Variants in SERP2 observed in about 807,000 individuals in gnomAD.
SERP2 encodes stress-associated endoplasmic reticulum protein 2.
Under a neutral mutation model 9.1 loss-of-function variants are expected in SERP2, and 6 were observed. The observed-to-expected ratio is 0.66, with a 90% CI of 0.36 to 1.30. The LOEUF (loss-of-function observed/expected upper bound fraction) is 1.30, where lower values mean the gene tolerates loss of function less well. Ranked by LOEUF, SERP2 falls within the 50% of genes most tolerant of loss-of-function variation. The pLI, the probability that SERP2 is intolerant of heterozygous loss-of-function variation, is 0.03. For synonymous variants in SERP2, 37 were observed against 27.3 expected (o/e 1.35, Z -1.10); for missense variants, 58 against 81.9 (o/e 0.71, Z 1.13).
At chr13:44,390,351 T>G (rs762285731) in intron 2 of SERP2, 1 of 437,786 alleles carries the variant, frequency 2.3e-6, no homozygotes, top group South Asian at 1.6e-5. Context: ...TTCGCCATAT[T>G]TGCAGGTCAA....
chr13:44,388,062 T>A (rs887884952), intron 2 of SERP2, among the ~76,000 whole-genome samples: 2 of 152,182 alleles, frequency 1.3e-5, no homozygotes, highest in Non-Finnish European at 2.9e-5. Context: ...AGTTTCCAAA[T>A]TTGTCAATCA....
At position 44,397,548 on chromosome 13, in the gene SERP2, A is replaced by G; in HGVS notation, c.*236A>G. The G allele has an allele frequency of 3.5e-6, 2 of 567,896 alleles. No individual in the cohort carries two copies. The highest frequency in any genetic ancestry group is 6.3e-6 in the Non-Finnish European group (2 of 317,472). The allele number at this position is 567,896 out of a possible 1,614,324, so 35.2% of individuals were successfully genotyped here. On this transcript the variant is annotated 3_prime_UTR_variant, in exon 3 of 3. Transcript: ENST00000379179. ...ATTTTGCTTTTCTGTTGGCAGGATT[A>G]GTAGCCACGCGGGTCGTCCGCAGCA...
chr13:44,395,456 T>G (rs7320922), intron 2 of SERP2, among the ~76,000 whole-genome samples: 62,583 of 151,500 alleles, frequency 0.41, 13,720 homozygotes, highest in East Asian at 0.66. Flanking sequence ...TACAAAAAAT[T>G]AGCCGGGCAT....
chr13:44,379,732 A>G lies in SERP2; in HGVS notation c.157+19A>G. ...GGCTCAGGTATGGGTGTTTCACTGA[A>G]CTTATATCCCATGTTCTCCACTGGC... On this transcript the variant is annotated intron_variant, in intron 2 of 2. Transcript: ENST00000379179. The G allele has an allele frequency of 6.4e-7, 1 of 1,568,042 alleles. No homozygotes were observed. The highest frequency in any genetic ancestry group is 8.7e-7 in the Non-Finnish European group (1 of 1,145,412).
At chr13:44,384,060 C>A (rs1469865141) in intron 2 of SERP2, among the ~76,000 whole-genome samples, 1 of 150,886 alleles carries the variant, frequency 6.6e-6, no homozygotes, top group African/African-American at 2.4e-5. Context: ...TTTTTTCTTG[C>A]CAACTTTAGC....
chr13:44,388,774 C>T (rs1250547156), intron 2 of SERP2, among the ~76,000 whole-genome samples: 2 of 152,218 alleles, frequency 1.3e-5, no homozygotes, highest in Non-Finnish European at 2.9e-5. Flanking sequence ...ATGTCCTTGG[C>T]AGGGCCTGAA....
rs372298933 is a variant in SERP2 at position 44,379,719 on chromosome 13, G to A, written c.157+6G>A. ...TTTTGTTGTCTGTGGCTCAGGTATG[G>A]GTGTTTCACTGAACTTATATCCCAT... On this transcript the variant is annotated splice_donor_region_variant and intron_variant, in intron 2 of 2. Coordinates refer to ENST00000379179, the MANE Select transcript of SERP2 (RefSeq NM_001010897.3). The A allele has an allele frequency of 6.2e-7, 1 of 1,600,208 alleles. No homozygotes were observed. Among genetic ancestry groups the A allele is most frequent in the Non-Finnish European group, 8.5e-7 (1 of 1,170,556 alleles).
Position 44,378,443 on chromosome 13 carries a change from T to TTAG in SERP2, c.85-1197_85-1195dup, listed in dbSNP as rs565574432. On this transcript the variant is annotated intron_variant, in intron 1 of 2. Transcript: ENST00000379179. ...ATTTGTATGGATATGAACATACCTT[T>TTAG]TAGCCCATATTTTACAATGTTGAAT... Among the ~76,000 whole-genome samples the TTAG allele has an allele frequency of 1.1e-4, 17 of 152,332 alleles. No homozygotes were observed. The East Asian group carries it at 1.7e-3, about 16-fold the overall frequency.
At chr13:44,377,612 A>G (rs188951986) in intron 1 of SERP2, among the ~76,000 whole-genome samples, 1 of 152,368 alleles carries the variant, frequency 6.6e-6, no homozygotes, top group African/African-American at 2.4e-5. Flanking sequence ...GTGGTGGTAG[A>G]TACAGGCTTA....
intron 1 of SERP2, among the ~76,000 whole-genome samples, chr13:44,375,835 A>G (rs917586770): frequency 6.6e-6 from 1 of 152,262 alleles, no homozygotes; most frequent in Non-Finnish European, 1.5e-5. Flanking sequence ...CAAGAAAACT[A>G]GAAAATGTTT....
chr13:44,390,666 G>A (rs770787085), intron 2 of SERP2: 3 of 191,096 alleles, frequency 1.6e-5, no homozygotes, highest in East Asian at 1.5e-4. Flanking sequence ...ATTTTAATGC[G>A]GATAGAAAGC....
intron 2 of SERP2, chr13:44,390,792 C>T (rs564827288): frequency 6.4e-6 from 1 of 157,226 alleles, no homozygotes; most frequent in East Asian, 1.9e-4. Flanking sequence ...CAGAAAATGG[C>T]ATCTTGCTTT....
chr13:44,374,334 C>T (rs576177631), intron 1 of SERP2, among the ~76,000 whole-genome samples: 15 of 152,284 alleles, frequency 9.9e-5, no homozygotes, highest in African/African-American at 3.4e-4. Flanking sequence ...GTCGTGGCCC[C>T]TCTGGGAGTG....
At chr13:44,380,387 C>T (rs1252327920) in intron 2 of SERP2, among the ~76,000 whole-genome samples, 2 of 152,076 alleles carry the variant, frequency 1.3e-5, no homozygotes, top group Non-Finnish European at 2.9e-5. Context: ...TTGAGGGATT[C>T]CCACCCTCCA....
intron 2 of SERP2, among the ~76,000 whole-genome samples, chr13:44,384,699 A>G (rs573431652): frequency 5.9e-5 from 9 of 152,270 alleles, no homozygotes; most frequent in Non-Finnish European, 1.3e-4. Context: ...TGCCAGGCTC[A>G]AGTTCCATTT....
chr13:44,385,744 T>C (rs1480556468), intron 2 of SERP2, among the ~76,000 whole-genome samples: 4 of 152,196 alleles, frequency 2.6e-5, no homozygotes, highest in Non-Finnish European at 5.9e-5. Flanking sequence ...CTCTTGGTAT[T>C]GATTCCCTTA....
chr13:44,388,713 C>G (rs928072097), intron 2 of SERP2, among the ~76,000 whole-genome samples: 1 of 152,194 alleles, frequency 6.6e-6, no homozygotes, highest in Non-Finnish European at 1.5e-5. Context: ...CAGACAGGTC[C>G]TTTTTCAGGA....
intron 2 of SERP2, among the ~76,000 whole-genome samples, 194 bp downstream of exon 2, chr13:44,379,907 T>C (rs937056052): frequency 6.6e-6 from 1 of 152,230 alleles, no homozygotes; most frequent in Non-Finnish European, 1.5e-5. Flanking sequence ...ATTAATACAC[T>C]ATCAAATCCT....
intron 2 of SERP2, among the ~76,000 whole-genome samples, chr13:44,392,259 G>A (rs949639349): frequency 4.2e-5 from 6 of 142,192 alleles, no homozygotes; most frequent in Non-Finnish European, 7.5e-5. Flanking sequence ...GAAAACATGA[G>A]GGAGTACCCC....
Sources: allele counts gnomAD v4.1 joint callset (sites outside exome capture counted in the v4.1 genomes callset), GRCh38; gene constraint gnomAD v4.1.1; transcripts MANE v1.5; gene names NCBI Gene and HGNC (gene_info 2026-07-23, HGNC 2026-07-21).